EGFR: variants seen among roughly 807,000 people sequenced by gnomAD.
The protein encoded by EGFR is avian erythroblastic leukemia viral (v-erb-b) oncogene homolog.
EGFR carries 58 observed loss-of-function variants against 143.0 expected under a neutral mutation model. The observed-to-expected ratio is 0.41, with a 90% CI of 0.33 to 0.50. EGFR has a LOEUF of 0.50. Ranked by LOEUF, EGFR falls within the 20% of genes least tolerant of loss-of-function variation. The pLI, the probability that EGFR is intolerant of heterozygous loss-of-function variation, is 0.39. For synonymous variants in EGFR, 613 were observed against 594.4 expected, an observed-to-expected ratio of 1.03 and a Z score of -0.45; for missense variants, 1,307 against 1,579.0, an observed-to-expected ratio of 0.83 and a Z score of 2.92.
At chr7:55,076,160 C>T (rs368636019) in intron 1 of EGFR, among the ~76,000 whole-genome samples, 6 of 152,284 alleles carry the variant, frequency 3.9e-5, no homozygotes, top group South Asian at 2.1e-4. Context: ...TGTATTAATA[C>T]GAAATCCAAG....
At chr7:55,064,295 G>A (rs17289162) in intron 1 of EGFR, among the ~76,000 whole-genome samples, 2,361 of 152,276 alleles carry the variant, frequency 0.016, 64 homozygotes, top group African/African-American at 0.054. Flanking sequence ...CCCACTAGAA[G>A]CCAATTATGC....
At chr7:55,031,800 A>G (rs1787263788) in intron 1 of EGFR, among the ~76,000 whole-genome samples, 1 of 152,234 alleles carries the variant, frequency 6.6e-6, no homozygotes. Flanking sequence ...AGTTGCCAAT[A>G]TTATATTCTT....
rs1326760351 is a variant in EGFR, at chr7:55,151,227, C to T, written c.560-67C>T. ...TTATTGAATGTGCTTAACTCAGGCC[C>T]GGGAAAGGGCGTCATCAGTTTCTCA... On this transcript the variant is annotated intron_variant, in intron 4 of 27. Transcript: ENST00000275493. The T allele has an allele frequency of 1.5e-5, 23 of 1,499,394 alleles. 2 individuals are homozygous for T. The highest frequency in any genetic ancestry group is 1.4e-4 in the South Asian group (12 of 88,684). The allele number at this position is 1,499,394 out of a possible 1,614,324, so 92.9% of individuals were successfully genotyped here.
At chr7:55,170,760 C>T in intron 15 of EGFR, 1 of 1,454,236 alleles carries the variant, frequency 6.9e-7, no homozygotes, top group Non-Finnish European at 9.0e-7. Context: ...TTGTCAGAAA[C>T]CTGCAGGGAC....
intron 1 of EGFR, among the ~76,000 whole-genome samples, chr7:55,062,416 T>C (rs935687781): frequency 6.6e-6 from 1 of 152,132 alleles, no homozygotes; most frequent in African/African-American, 2.4e-5. Context: ...CCGACCCCCA[T>C]GTACCCCTTT....
chr7:55,110,422 CT>C (rs1314146188), intron 1 of EGFR, among the ~76,000 whole-genome samples: 2 of 152,194 alleles, frequency 1.3e-5, no homozygotes, highest in African/African-American at 4.8e-5. Flanking sequence ...GCGGGGCGTC[CT>C]CACACATGGG....
chr7:55,184,898 A>C (rs1179229438), intron 20 of EGFR, among the ~76,000 whole-genome samples: 1 of 152,188 alleles, frequency 6.6e-6, no homozygotes, highest in Non-Finnish European at 1.5e-5. Flanking sequence ...GTATTAAAAA[A>C]TTTTCTTTTT....
chr7:55,137,802 C>G (rs1794234086), intron 1 of EGFR, among the ~76,000 whole-genome samples: 6 of 152,172 alleles, frequency 3.9e-5, no homozygotes. Flanking sequence ...TGGATCAGGA[C>G]AGCAGTTGCC....
intron 1 of EGFR, among the ~76,000 whole-genome samples, chr7:55,114,200 C>T (rs1792690943): frequency 6.6e-6 from 1 of 152,198 alleles, no homozygotes; most frequent in Admixed American, 6.5e-5. Flanking sequence ...TGTGTTTTTG[C>T]TCATTAACAG....
At chr7:55,065,489 G>T (rs1789440650) in intron 1 of EGFR, among the ~76,000 whole-genome samples, 1 of 152,170 alleles carries the variant, frequency 6.6e-6, no homozygotes, top group Non-Finnish European at 1.5e-5. Flanking sequence ...TTTATTTTAA[G>T]ATTAAAAATA....
chr7:55,064,012 C>T (rs1261046893), intron 1 of EGFR, among the ~76,000 whole-genome samples: 1 of 143,958 alleles, frequency 6.9e-6, no homozygotes, highest in African/African-American at 2.4e-5. Context: ...ATTTATTAGC[C>T]TGAACATAAT....
At chr7:55,102,197 C>T (rs751799205) in intron 1 of EGFR, among the ~76,000 whole-genome samples, 8 of 152,210 alleles carry the variant, frequency 5.3e-5, no homozygotes, top group African/African-American at 9.7e-5. Context: ...CTCAGCTCCC[C>T]ACTCCCACCT....
intron 1 of EGFR, among the ~76,000 whole-genome samples, chr7:55,019,838 G>A (rs1786427937): frequency 6.6e-6 from 1 of 152,174 alleles, no homozygotes; most frequent in South Asian, 2.1e-4. Flanking sequence ...AGACTGCACT[G>A]TTTAGGGAAG....
At chr7:55,091,846 A>AC (rs1791134497) in intron 1 of EGFR, among the ~76,000 whole-genome samples, 3 of 71,994 alleles carry the variant, frequency 4.2e-5, no homozygotes, top group Non-Finnish European at 7.5e-5. Flanking sequence ...GACCCACTGT[A>AC]AACACACACA....
chr7:55,187,515 G>A (rs1200982698), intron 20 of EGFR, among the ~76,000 whole-genome samples: 2 of 152,166 alleles, frequency 1.3e-5, no homozygotes, highest in Non-Finnish European at 2.9e-5. Context: ...CTGAGCAGCA[G>A]GGTGCCCGTG....
intron 20 of EGFR, among the ~76,000 whole-genome samples, chr7:55,183,599 C>T (rs1338448549): frequency 6.6e-6 from 1 of 152,138 alleles, no homozygotes; most frequent in Non-Finnish European, 1.5e-5. Flanking sequence ...CCACTCATGC[C>T]CTGACCTGGA....
chr7:55,118,442 A>G (rs918344162), intron 1 of EGFR, among the ~76,000 whole-genome samples: 1 of 152,226 alleles, frequency 6.6e-6, no homozygotes, highest in Non-Finnish European at 1.5e-5. Context: ...TGAAGGCACC[A>G]TCCCAAAGAC....
At position 55,210,259 on chromosome 7, in the gene EGFR, A is replaced by T. The variant is rs538597896; in HGVS notation, c.*4642A>T. On this transcript the variant is annotated 3_prime_UTR_variant, in exon 28 of 28. Transcript: ENST00000275493. ...TTTTATTTTTATATTTACAATTGAT[A>T]TGCATTTACCAGTATAAACTAGACA... is the stretch of plus-strand genomic sequence containing the variant. The T allele has an allele frequency of 6.6e-6, 1 of 152,222 alleles. No homozygotes were observed. The highest frequency in any genetic ancestry group is 1.5e-5 in the Non-Finnish European group (1 of 68,036). The allele number at this position is 152,222 out of a possible 1,614,324, so 9.4% of individuals were successfully genotyped here. A position where few individuals can be genotyped will look rare whatever the true frequency, so the allele number is the denominator to read the frequency against.
intron 22 of EGFR, among the ~76,000 whole-genome samples, chr7:55,198,275 C>G (rs942723873): frequency 1.3e-5 from 2 of 152,076 alleles, no homozygotes; most frequent in Non-Finnish European, 2.9e-5. Context: ...TTTTTATGAT[C>G]TAAAAATGTG....
Sources: allele counts gnomAD v4.1 joint callset (sites outside exome capture counted in the v4.1 genomes callset), GRCh38; gene constraint gnomAD v4.1.1; transcripts MANE v1.5; gene names NCBI Gene and HGNC (gene_info 2026-07-23, HGNC 2026-07-21).